GLB1: variants seen among roughly 807,000 people sequenced by gnomAD.
GLB1 encodes beta-galactosidase.
GLB1 carries 56 observed loss-of-function variants against 74.0 expected under a neutral mutation model. That is an observed-to-expected ratio of 0.76 (90% confidence interval 0.61 to 0.94). The LOEUF (loss-of-function observed/expected upper bound fraction) is 0.94. Among genes scored for constraint, GLB1 ranks in the 40% least tolerant of loss-of-function variants. The pLI is 0.00. For missense variants in GLB1, 787 were observed against 845.5 expected, an observed-to-expected ratio of 0.93 and a Z score of 0.86; for synonymous variants, 323 against 323.6, an observed-to-expected ratio of 1.00 and a Z score of 0.02.
chr3:33,096,161 A>C (rs2125590083), intron 1 of GLB1, among the ~76,000 whole-genome samples: 1 of 152,246 alleles, frequency 6.6e-6, no homozygotes, highest in Admixed American at 6.5e-5. Flanking sequence ...GAGGAACCAA[A>C]GTTGGTCCGC....
chr3:33,054,838 C>A (rs1209962509), intron 6 of GLB1, among the ~76,000 whole-genome samples: 1 of 152,180 alleles, frequency 6.6e-6, no homozygotes, highest in African/African-American at 2.4e-5. Flanking sequence ...CTGCCAAACA[C>A]TGGGGAAAGA....
At chr3:33,068,765 G>A in intron 3 of GLB1, 55 bp downstream of exon 3, 3 of 1,612,322 alleles carry the variant, frequency 1.9e-6, no homozygotes, top group Non-Finnish European at 2.5e-6. Flanking sequence ...TTGCCCCAGA[G>A]CTGCTGCCTG....
intron 5 of GLB1, among the ~76,000 whole-genome samples, chr3:33,060,140 C>T (rs931972104): frequency 2.0e-5 from 3 of 152,254 alleles, no homozygotes; most frequent in East Asian, 3.9e-4. Flanking sequence ...TAAATGCTGC[C>T]GTCGTTATCT....
At chr3:33,042,428 C>A (rs867903303) in intron 10 of GLB1, among the ~76,000 whole-genome samples, 2 of 127,716 alleles carry the variant, frequency 1.6e-5, no homozygotes, top group Non-Finnish European at 3.2e-5. Flanking sequence ...AGTGCAGTGG[C>A]GTGATCTCGG....
At position 32,997,142 on chromosome 3, in the gene GLB1, G is replaced by A. The variant is rs1395290283; in HGVS notation, c.1937C>T (p.Ser646Leu). Reference protein sequence around the residue: ...VTFVDRPVIGSSVTYDHPSKP... With the variant: ...VTFVDRPVIGLSVTYDHPSKP... ...GGAGGGATGATCGTAGGTCACAGAT[G>A]AGCCAATAACTGGCCTGTCCACGAA... Residue 646 changes from serine (S) to leucine (L), a missense_variant, in exon 16 of 16, where the codon TCA becomes TTA. Transcript: ENST00000307363. 2 of 1,614,032 alleles carry A rather than the reference G, an allele frequency of 1.2e-6. No individual in the cohort carries two copies. Among genetic ancestry groups the A allele is most frequent in the Non-Finnish European group, 1.7e-6 (2 of 1,180,052 alleles).
intron 5 of GLB1, among the ~76,000 whole-genome samples, chr3:33,059,604 T>C (rs1188571728): frequency 1.3e-5 from 2 of 152,104 alleles, no homozygotes; most frequent in South Asian, 2.1e-4. Context: ...GGTAAAAGTA[T>C]AAAGAAAAGC....
intron 11 of GLB1, among the ~76,000 whole-genome samples, chr3:33,023,223 A>C (rs1269021767): frequency 6.6e-6 from 1 of 152,226 alleles, no homozygotes; most frequent in Non-Finnish European, 1.5e-5. Flanking sequence ...TTGCATAAAA[A>C]TAGATTTGTC....
At chr3:33,065,214 G>A (rs1699622163) in intron 5 of GLB1, among the ~76,000 whole-genome samples, 1 of 152,112 alleles carries the variant, frequency 6.6e-6, no homozygotes, top group South Asian at 2.1e-4. Flanking sequence ...CTTCCTCACT[G>A]AAAAAAGAAG....
rs575625235 is a variant in GLB1 at position 33,014,247 on chromosome 3, C to A, written c.1543G>T (p.Asp515Tyr). The A allele has an allele frequency of 6.2e-7, 1 of 1,614,096 alleles. No individual in the cohort carries two copies. Among genetic ancestry groups the A allele is most frequent in the Non-Finnish European group, 8.5e-7 (1 of 1,180,012 alleles). Reference protein sequence around the residue: ...ILTDWTIFPLDTEDAVCSHLG... With the variant: ...ILTDWTIFPLYTEDAVCSHLG... ...TGGCTGCACACTGCATCCTCAGTGT[C>A]CAGTGGAAAGATCGTCCAGTCCGTG... is the stretch of plus-strand genomic sequence containing the variant. The change falls in exon 15 of 16, where the codon GAC becomes TAC. Residue 515 changes from aspartate (D) to tyrosine (Y), a missense_variant. By Grantham distance (160) the Asp-to-Tyr change is radical. Coordinates refer to ENST00000307363, the MANE Select transcript of GLB1 (RefSeq NM_000404.4).
chr3:33,036,664 T>C (rs1252870358), intron 10 of GLB1, among the ~76,000 whole-genome samples: 1 of 152,176 alleles, frequency 6.6e-6, no homozygotes, highest in Non-Finnish European at 1.5e-5. Flanking sequence ...GTAATTAAAA[T>C]ATCATATACG....
chr3:32,971,079 C>T, the GLB1 span, among the ~76,000 whole-genome samples: 5 of 152,200 alleles, frequency 3.3e-5, no homozygotes, highest in South Asian at 2.1e-4. Flanking sequence ...AACCACAAAT[C>T]GGATGCCCGG....
rs1696326697 is a variant in GLB1 at position 32,996,969 on chromosome 3, G to T, written c.*76C>A. 1 of 1,610,342 alleles carries T rather than the reference G, an allele frequency of 6.2e-7. No homozygotes were observed. Among genetic ancestry groups the T allele is most frequent in the Non-Finnish European group, 8.5e-7 (1 of 1,177,732 alleles). On this transcript the variant is annotated 3_prime_UTR_variant, in exon 16 of 16. Transcript: ENST00000307363. The stretch of plus-strand genomic sequence containing the variant: ...CTTTTCCATTTCCACATTCCAATCA[G>T]TGAAATGTGGCATGACAGGGAGGAT...
intron 5 of GLB1, among the ~76,000 whole-genome samples, chr3:33,058,868 C>G (rs1699329584): frequency 6.6e-6 from 1 of 152,244 alleles, no homozygotes; most frequent in African/African-American, 2.4e-5. Context: ...GGGACAGACA[C>G]AGCATGTTTA....
chr3:33,045,347 G>C, intron 10 of GLB1: 1 of 982,534 alleles, frequency 1.0e-6, no homozygotes, highest in Non-Finnish European at 1.2e-6. Flanking sequence ...AACTGTACAA[G>C]TCTGTGAGGT....
intron 1 of GLB1, 73 bp downstream of exon 1, chr3:33,096,938 G>C (rs1701057312): frequency 1.9e-6 from 3 of 1,561,226 alleles, no homozygotes; most frequent in Non-Finnish European, 2.6e-6. Context: ...GCGGGTGGCT[G>C]CGACCCCAGC....
In GLB1 at chr3:33,064,441, T is replaced by TAAAAA. The variant is rs35553546; in HGVS notation, c.552+1017_552+1021dup. Among the ~76,000 whole-genome samples, 4 of 108,750 alleles carry TAAAAA rather than the reference T, an allele frequency of 3.7e-5. 1 individual carries two copies. The highest frequency in any genetic ancestry group is 6.0e-4 in the East Asian group (2 of 3,360). The allele number at this position is 108,750 out of a possible 152,430, so 71.3% of individuals were successfully genotyped here. ...GGCGACAGAGCGAGACTCTGTCTCCTAAAAAAAAAAACAAAAAACCTTTAC... is the reference window on the plus strand; with the variant it reads ...GGCGACAGAGCGAGACTCTGTCTCCTAAAAAAAAAAAAAAAACAAAAAACCTTTAC... On this transcript the variant is annotated intron_variant, in intron 5 of 15. Coordinates refer to ENST00000307363, the MANE Select transcript of GLB1 (RefSeq NM_000404.4).
the GLB1 span, among the ~76,000 whole-genome samples, chr3:32,982,947 G>A: frequency 1.3e-5 from 2 of 152,028 alleles, no homozygotes; most frequent in Non-Finnish European, 2.9e-5. Context: ...TTGGTCTTCT[G>A]CTTTTACTCT....
At chr3:33,001,429 A>G (rs779319172) in intron 15 of GLB1, among the ~76,000 whole-genome samples, 1 of 151,960 alleles carries the variant, frequency 6.6e-6, no homozygotes, top group Non-Finnish European at 1.5e-5. Context: ...GCTCGTCCCC[A>G]TGTGCAAACA....
At chr3:33,089,528 T>C (rs540236860) in intron 1 of GLB1, among the ~76,000 whole-genome samples, 1 of 152,286 alleles carries the variant, frequency 6.6e-6, no homozygotes, top group Admixed American at 6.5e-5. Flanking sequence ...ATGCTCAACA[T>C]GGATAAACAA....
Sources: gnomAD v4.1 joint callset for allele counts (sites outside exome capture counted in the v4.1 genomes callset) on GRCh38, gnomAD v4.1.1 for gene constraint, MANE v1.5 for transcripts, NCBI Gene and HGNC (gene_info 2026-07-23, HGNC 2026-07-21) for gene names.